GPATCH8: variants seen among roughly 807,000 people sequenced by gnomAD.
GPATCH8 encodes the protein G-patch domain containing 8.
A neutral mutation model predicts 118.3 loss-of-function variants in GPATCH8; 18 were observed. That is an observed-to-expected ratio of 0.15 (90% CI 0.11 to 0.23). GPATCH8 has a LOEUF of 0.23. GPATCH8 is among the 10% of genes least tolerant of loss of function. GPATCH8 has a pLI of 1.00. For synonymous variants in GPATCH8, 659 were observed against 684.7 expected (o/e 0.96, Z 0.59); for missense variants, 1,631 against 1,873.8 (o/e 0.87, Z 2.39).
At chr17:44,456,392 A>G (rs958769397) in intron 3 of GPATCH8, among the ~76,000 whole-genome samples, 3 of 152,250 alleles carry the variant, frequency 2.0e-5, no homozygotes, top group Non-Finnish European at 2.9e-5. Flanking sequence ...TTGGGATTAT[A>G]GGCATGAGCC....
At chr17:44,430,518 A>C (rs1256996379) in intron 5 of GPATCH8, among the ~76,000 whole-genome samples, 2 of 152,204 alleles carry the variant, frequency 1.3e-5, no homozygotes, top group Non-Finnish European at 2.9e-5. Context: ...ACAAAGCAGG[A>C]ATTTCTAGAA....
In GPATCH8 at chr17:44,398,528, C is replaced by T; in HGVS notation, c.3549G>A (p.Gly1183=). ...EQSETEEGPP[G]SSDALFGHQF... ...GATGCCCAAATAGGGCATCACTACT[C>T]CCTGGGGGCCCCTCTTCTGTCTCTG... Residue 1183 remains glycine, a synonymous_variant, in exon 8 of 8, where the codon GGG becomes GGA. Transcript: ENST00000591680. 1 of 1,593,832 alleles carries T rather than the reference C, an allele frequency of 6.3e-7. No homozygotes were observed. Among genetic ancestry groups the T allele is most frequent in the Non-Finnish European group, 8.5e-7 (1 of 1,171,416 alleles).
intron 3 of GPATCH8, among the ~76,000 whole-genome samples, chr17:44,451,699 C>G (rs1245111979): frequency 6.6e-6 from 1 of 152,150 alleles, no homozygotes; most frequent in African/African-American, 2.4e-5. Context: ...TACCACTCAA[C>G]TTTAGCCTTA....
At chr17:44,496,614 A>T (rs1969685500) in intron 1 of GPATCH8, among the ~76,000 whole-genome samples, 1 of 152,168 alleles carries the variant, frequency 6.6e-6, no homozygotes, top group Non-Finnish European at 1.5e-5. Flanking sequence ...AATTAAAGCA[A>T]ATGGCAGGAT....
chr17:44,480,264 C>T lies in GPATCH8; in HGVS notation c.46-5361G>A, dbSNP rs1384720314. On this transcript the variant is annotated intron_variant, in intron 1 of 7. Coordinates refer to ENST00000591680, the MANE Select transcript of GPATCH8 (RefSeq NM_001002909.4). Reference sequence around the variant, plus strand: ...AACTAGAATCACAATGTATTACCACCACATGCCTATTAAAATGGCATTTAA... The same window carrying T: ...AACTAGAATCACAATGTATTACCACTACATGCCTATTAAAATGGCATTTAA... Among the ~76,000 whole-genome samples the T allele has an allele frequency of 2.6e-5, 4 of 152,184 alleles. No homozygotes were observed. The East Asian group carries it at 7.8e-4, about 30-fold the overall frequency.
At position 44,396,462 on chromosome 17, in the gene GPATCH8, C is replaced by T. The variant is rs754437748; in HGVS notation, c.*1106G>A. ...TACTGCAAATTACTTAACATTTTGT[C>T]CCAGCAAAAAATGTTTTAACATTTT... On this transcript the variant is annotated 3_prime_UTR_variant, in exon 8 of 8. Coordinates refer to ENST00000591680, the MANE Select transcript of GPATCH8 (RefSeq NM_001002909.4). The T allele has an allele frequency of 4.2e-5, 19 of 453,570 alleles. No homozygotes were observed. Among genetic ancestry groups the T allele is most frequent in the Admixed American group, 9.4e-5 (4 of 42,430 alleles). 28.1% of individuals were successfully genotyped at this position (453,570 alleles called of 1,614,324 possible).
chr17:44,461,071 G>A (rs2051527554), intron 3 of GPATCH8, among the ~76,000 whole-genome samples: 1 of 151,996 alleles, frequency 6.6e-6, no homozygotes, highest in Non-Finnish European at 1.5e-5. Flanking sequence ...TAAAACAGAT[G>A]GACTTTGCAC....
chr17:44,399,001 T>G lies in GPATCH8; in HGVS notation c.3076A>C (p.Ile1026Leu). 4.3e-6 allele frequency: 7 copies of G among 1,614,040 alleles called. No individual in the cohort carries two copies. Among genetic ancestry groups the G allele is most frequent in the Non-Finnish European group, 5.9e-6 (7 of 1,179,954 alleles). Reference sequence around the variant, plus strand: ...TGGGAGCGGTAGATCTTAGAACGAATGAAGTCCCGACGCCCAGAATGCCTC... The same window carrying G: ...TGGGAGCGGTAGATCTTAGAACGAAGGAAGTCCCGACGCCCAGAATGCCTC... Reference protein sequence around the residue: ...EERHSGRRDFIRSKIYRSQSP... With the variant: ...EERHSGRRDFLRSKIYRSQSP... Residue 1026 changes from isoleucine (I) to leucine (L), a missense_variant, in exon 8 of 8, where the codon ATT becomes CTT. Physicochemically the swap from Ile to Leu is conservative, Grantham distance 5 (BLOSUM62 2). This residue lies in a region of GPATCH8 where 922 missense variants were observed against 879.7 expected (regional missense o/e 1.05). Transcript: ENST00000591680.
intron 5 of GPATCH8, 132 bp from the exon 6 acceptor site, chr17:44,424,624 G>T: frequency 1.4e-6 from 1 of 706,738 alleles, no homozygotes; most frequent in Non-Finnish European, 2.5e-6. Context: ...ACCAGTAAAA[G>T]CTGGATGAAA....
intron 1 of GPATCH8, among the ~76,000 whole-genome samples, chr17:44,491,749 G>T (rs2144475151): frequency 6.6e-6 from 1 of 152,058 alleles, no homozygotes; most frequent in East Asian, 1.9e-4. Flanking sequence ...AGCTACTCGG[G>T]AGGCTGCAAT....
chr17:44,425,255 G>C (rs568297998), intron 5 of GPATCH8, among the ~76,000 whole-genome samples: 1 of 152,294 alleles, frequency 6.6e-6, no homozygotes, highest in South Asian at 2.1e-4. Context: ...CAGGGTAGAT[G>C]CATTACTTTC....
intron 3 of GPATCH8, among the ~76,000 whole-genome samples, chr17:44,455,927 A>G (rs1338217179): frequency 6.6e-6 from 1 of 151,614 alleles, no homozygotes; most frequent in African/African-American, 2.4e-5. Flanking sequence ...TTGTATTTTT[A>G]GTAGAGGTGG....
chr17:44,475,907 TA>T (rs1568044444), intron 1 of GPATCH8, among the ~76,000 whole-genome samples: 1 of 152,052 alleles, frequency 6.6e-6, no homozygotes, highest in African/African-American at 2.4e-5. Context: ...TGTGAGCCTG[TA>T]GTCCCAGCTA....
chr17:44,406,181 C>G, intron 6 of GPATCH8, 130 bp from the exon 7 acceptor site: 2 of 716,370 alleles, frequency 2.8e-6, no homozygotes, highest in Non-Finnish European at 5.0e-6. Flanking sequence ...TTATCATATT[C>G]TCTTATGGCA....
At chr17:44,487,618 T>G (rs762484818) in intron 1 of GPATCH8, among the ~76,000 whole-genome samples, 2 of 152,236 alleles carry the variant, frequency 1.3e-5, no homozygotes, top group Admixed American at 6.5e-5. Flanking sequence ...TGGTGTCTTT[T>G]GCAGAACAGA....
At position 44,396,647 on chromosome 17, in the gene GPATCH8, A is replaced by G. The variant is rs546340018; in HGVS notation, c.*921T>C. On this transcript the variant is annotated 3_prime_UTR_variant, in exon 8 of 8. Coordinates refer to ENST00000591680, the MANE Select transcript of GPATCH8 (RefSeq NM_001002909.4). ...GCAAACATATTTACACAAAGCCACC[A>G]GAACGAGGATCACTTAAAGAGCTGG... 2 of 447,924 alleles carry G rather than the reference A, an allele frequency of 4.5e-6. No individual in the cohort carries two copies. 27.7% of individuals were successfully genotyped at this position (447,924 alleles called of 1,614,324 possible).
intron 3 of GPATCH8, among the ~76,000 whole-genome samples, chr17:44,454,676 G>C (rs1164867625): frequency 6.6e-6 from 1 of 152,026 alleles, no homozygotes; most frequent in Non-Finnish European, 1.5e-5. Context: ...TCCTGCTTTG[G>C]TCTCCCACAG....
At chr17:44,417,425 C>T (rs1470575737) in intron 6 of GPATCH8, among the ~76,000 whole-genome samples, 1 of 152,094 alleles carries the variant, frequency 6.6e-6, no homozygotes, top group Non-Finnish European at 1.5e-5. Flanking sequence ...TGCCATGTTG[C>T]CCAGACTGGT....
chr17:44,495,250 C>T (rs1480719489), intron 1 of GPATCH8, among the ~76,000 whole-genome samples: 1 of 152,122 alleles, frequency 6.6e-6, no homozygotes, highest in East Asian at 1.9e-4. Context: ...ACGAGAATTG[C>T]TTGAACCCAG....
Sources: gnomAD v4.1 joint callset for allele counts (sites outside exome capture counted in the v4.1 genomes callset) on GRCh38, gnomAD v4.1.1 for gene constraint, gnomAD v4.1.1 regional missense constraint, MANE v1.5 for transcripts, NCBI Gene and HGNC (gene_info 2026-07-23, HGNC 2026-07-21) for gene names.